BMPR1B: variants seen among roughly 807,000 people sequenced by gnomAD.
BMPR1B encodes bone morphogenetic protein receptor type 1B.
BMPR1B carries 12 observed loss-of-function variants against 59.1 expected under a neutral mutation model. The ratio of observed to expected loss-of-function variants is 0.20; its 90% confidence interval spans 0.13 to 0.33. The LOEUF (loss-of-function observed/expected upper bound fraction) is 0.33. BMPR1B is among the 10% of genes least tolerant of loss of function. The pLI, the probability that BMPR1B is intolerant of heterozygous loss-of-function variation, is 1.00. For missense variants in BMPR1B, 550 were observed against 610.9 expected, an observed-to-expected ratio of 0.90 and a Z score of 1.05; for synonymous variants, 237 against 207.3, an observed-to-expected ratio of 1.14 and a Z score of -1.23.
At chr4:95,004,405 A>G (rs371843281) in intron 3 of BMPR1B, among the ~76,000 whole-genome samples, 19 of 152,284 alleles carry the variant, frequency 1.2e-4, no homozygotes, top group African/African-American at 4.6e-4. Context: ...TACACCTTAT[A>G]GTTGATAAGC....
chr4:94,919,815 A>G (rs1360716038), intron 2 of BMPR1B, among the ~76,000 whole-genome samples: 1 of 152,202 alleles, frequency 6.6e-6, no homozygotes, highest in African/African-American at 2.4e-5. Context: ...TATACCCAAG[A>G]TGATGATTTA....
chr4:94,763,826 T>C (rs1721868355), intron 1 of BMPR1B, among the ~76,000 whole-genome samples: 1 of 152,226 alleles, frequency 6.6e-6, no homozygotes, highest in Non-Finnish European at 1.5e-5. Flanking sequence ...TATGACCATC[T>C]ATAAAATGTA....
intron 1 of BMPR1B, among the ~76,000 whole-genome samples, chr4:94,792,754 T>C (rs959706742): frequency 6.6e-6 from 1 of 152,164 alleles, no homozygotes; most frequent in Non-Finnish European, 1.5e-5. Context: ...AATTATAACA[T>C]TTAGATAGTT....
intron 3 of BMPR1B, among the ~76,000 whole-genome samples, chr4:95,075,079 A>G (rs1180723523): frequency 2.0e-5 from 3 of 152,202 alleles, no homozygotes. Context: ...GTAATTTACC[A>G]TCCTGCTTTA....
chr4:95,092,422 G>C (rs1433193610), intron 3 of BMPR1B, among the ~76,000 whole-genome samples: 1 of 152,062 alleles, frequency 6.6e-6, no homozygotes, highest in Non-Finnish European at 1.5e-5. Context: ...TTAAAACTAT[G>C]ATGGCTTTCT....
At chr4:94,798,777 C>T (rs368013218) in intron 1 of BMPR1B, among the ~76,000 whole-genome samples, 3 of 151,774 alleles carry the variant, frequency 2.0e-5, no homozygotes, top group East Asian at 1.9e-4. Flanking sequence ...TGTTATTTAC[C>T]CCTTGAGTCT....
intron 1 of BMPR1B, among the ~76,000 whole-genome samples, chr4:94,779,056 C>T (rs566067096): frequency 5.9e-4 from 90 of 152,110 alleles, no homozygotes; most frequent in African/African-American, 9.2e-4. Context: ...TTTTAATTTA[C>T]GGTTTATAAT....
intron 1 of BMPR1B, among the ~76,000 whole-genome samples, chr4:94,770,186 G>GTTTTTTTTTTTTTTTTTTTTTTTTTTTT (rs56902521): frequency 1.3e-4 from 7 of 54,132 alleles, no homozygotes; most frequent in Admixed American, 2.5e-4. Flanking sequence ...TTCTGTGTTT[G>GTTTTTTTTTTTTTTTTTTTTTTTTTTTT]TTTTTTTTTT....
chr4:94,913,965 G>A (rs191291432), intron 2 of BMPR1B, among the ~76,000 whole-genome samples: 1 of 152,260 alleles, frequency 6.6e-6, no homozygotes, highest in Admixed American at 6.5e-5. Flanking sequence ...GATAGGGTAG[G>A]TCCTATGGAA....
chr4:95,037,171 C>T (rs1213666946), intron 3 of BMPR1B, among the ~76,000 whole-genome samples: 1 of 152,058 alleles, frequency 6.6e-6, no homozygotes, highest in Non-Finnish European at 1.5e-5. Context: ...TGGAGTGCTA[C>T]CTCCCAGCAT....
At chr4:94,808,925 G>T (rs1723713058) in intron 1 of BMPR1B, among the ~76,000 whole-genome samples, 1 of 151,968 alleles carries the variant, frequency 6.6e-6, no homozygotes, top group African/African-American at 2.4e-5. Flanking sequence ...TGTGGTGGGG[G>T]TTGCCTGTAG....
At chr4:95,050,793 T>A (rs979946456) in intron 3 of BMPR1B, among the ~76,000 whole-genome samples, 2 of 152,224 alleles carry the variant, frequency 1.3e-5, no homozygotes, top group Admixed American at 1.3e-4. Context: ...TTTCTACATA[T>A]ACTGACAATT....
intron 3 of BMPR1B, among the ~76,000 whole-genome samples, chr4:95,009,102 C>CA (rs750238265): frequency 2.0e-5 from 3 of 152,112 alleles, no homozygotes; most frequent in Non-Finnish European, 2.9e-5. Flanking sequence ...TCATACCTAC[C>CA]ATGTTGGTAA....
chr4:95,145,362 T>C (rs1379465690), intron 10 of BMPR1B, among the ~76,000 whole-genome samples: 1 of 152,176 alleles, frequency 6.6e-6, no homozygotes, highest in African/African-American at 2.4e-5. Flanking sequence ...TTGTCAACCT[T>C]GTTTCTCCCC....
intron 1 of BMPR1B, among the ~76,000 whole-genome samples, chr4:94,758,607 C>G (rs917504098): frequency 5.9e-5 from 9 of 152,214 alleles, no homozygotes; most frequent in African/African-American, 2.2e-4. Context: ...CCAGCCTTGC[C>G]GTGGGGGAAA....
At chr4:94,865,388 GT>G (rs59399150) in intron 1 of BMPR1B, among the ~76,000 whole-genome samples, 18 of 142,852 alleles carry the variant, frequency 1.3e-4, no homozygotes, top group Admixed American at 2.8e-4. Context: ...TTCATGCTGG[GT>G]TTTTTTTTTT....
chr4:94,847,240 TCTCA>T (rs774918266), intron 1 of BMPR1B, among the ~76,000 whole-genome samples: 1 of 152,134 alleles, frequency 6.6e-6, no homozygotes, highest in Non-Finnish European at 1.5e-5. Flanking sequence ...TGAGATATAA[TCTCA>T]CTCCAGTTAA....
intron 2 of BMPR1B, among the ~76,000 whole-genome samples, chr4:94,988,010 C>A (rs1395443622): frequency 6.6e-6 from 1 of 152,102 alleles, no homozygotes; most frequent in Non-Finnish European, 1.5e-5. Flanking sequence ...TAGACCTAAT[C>A]TAATTTCCAT....
chr4:94,842,311 A>T (rs1450536209), intron 1 of BMPR1B, among the ~76,000 whole-genome samples: 1 of 152,220 alleles, frequency 6.6e-6, no homozygotes, highest in Non-Finnish European at 1.5e-5. Flanking sequence ...AGTCTTAAAA[A>T]AATCTTAACG....
Sources: allele counts gnomAD v4.1 joint callset (sites outside exome capture counted in the v4.1 genomes callset), GRCh38; gene constraint gnomAD v4.1.1; transcripts MANE v1.5; gene names NCBI Gene and HGNC (gene_info 2026-07-23, HGNC 2026-07-21).